ANTXRL: variants seen among roughly 807,000 people sequenced by gnomAD.
ANTXRL encodes the protein ANTXR like, also known as anthrax toxin receptor-like.
ANTXRL carries 63 observed loss-of-function variants against 75.4 expected under a neutral mutation model. The ratio of observed to expected loss-of-function variants is 0.84; its 90% confidence interval spans 0.68 to 1.03. The LOEUF (loss-of-function observed/expected upper bound fraction) is 1.03, where lower values mean the gene tolerates loss of function less well. ANTXRL is among the 50% of genes least tolerant of loss of function. The pLI is 0.00. For synonymous variants in ANTXRL, 335 were observed against 291.3 expected (o/e 1.15, Z -1.53); for missense variants, 797 against 789.4 (o/e 1.01, Z -0.12).
rs78924721 is a variant in ANTXRL at position 46,287,149 on chromosome 10, G to A, written c.-114G>A. On this transcript the variant is annotated 5_prime_UTR_variant, in exon 1 of 17. Transcript: ENST00000620264. ...GTGCACTGGTGAAAGGGCAGGAGGA[G>A]GGGTGTGGCCCCGGGCATAAGGGGA... is the stretch of plus-strand genomic sequence containing the variant. 0.016 allele frequency: 21,096 copies of A among 1,348,428 alleles called. 794 individuals carry two copies. The highest frequency in any genetic ancestry group is 0.1 in the East Asian group (3,978 of 39,808). The allele number at this position is 1,348,428 out of a possible 1,614,324, so 83.5% of individuals were successfully genotyped here. A position where few individuals can be genotyped will look rare whatever the true frequency, so the allele number is the denominator to read the frequency against.
At chr10:46,322,134 T>C (rs1839006825) in intron 16 of ANTXRL, among the ~76,000 whole-genome samples, 1 of 152,054 alleles carries the variant, frequency 6.6e-6, no homozygotes, top group Non-Finnish European at 1.5e-5. Flanking sequence ...GGAAAGCCTT[T>C]ACTCAACCAG....
At chr10:46,329,171 G>T (rs1186387444) in intron 16 of ANTXRL, among the ~76,000 whole-genome samples, 1 of 152,162 alleles carries the variant, frequency 6.6e-6, no homozygotes, top group Non-Finnish European at 1.5e-5. Context: ...CCGTGGAGCT[G>T]CTGCCTTCTC....
At chr10:46,297,728 T>C (rs113293365) in intron 7 of ANTXRL, 103 bp from the exon 8 acceptor site, 4 of 1,088,150 alleles carry the variant, frequency 3.7e-6, no homozygotes, top group South Asian at 1.4e-5. Context: ...CCTGACATTC[T>C]GCTGCCCCCA....
chr10:46,300,085 G>A (rs2132713171), intron 9 of ANTXRL, among the ~76,000 whole-genome samples: 1 of 152,334 alleles, frequency 6.6e-6, no homozygotes, highest in East Asian at 1.9e-4. Context: ...CCCCAGGTGA[G>A]GATGTGAGTC....
chr10:46,321,347 A>G lies in ANTXRL; in HGVS notation c.1410+8031A>G, dbSNP rs1187298582. Among the ~76,000 whole-genome samples, 6 of 152,186 alleles carry G rather than the reference A, an allele frequency of 3.9e-5. No homozygotes were observed. In the East Asian group the frequency reaches 9.6e-4, roughly 24 times the overall value. ...GATGTCAGAGAAATCTTAATTTATGATCTTTGAAAAGTTGTCCATTTCTAG... is the reference window on the plus strand; with the variant it reads ...GATGTCAGAGAAATCTTAATTTATGGTCTTTGAAAAGTTGTCCATTTCTAG... On this transcript the variant is annotated intron_variant, in intron 16 of 16. Transcript: ENST00000620264.
In ANTXRL at chr10:46,287,141, C is replaced by T. The variant is rs1554955370; in HGVS notation, c.-122C>T. On this transcript the variant is annotated 5_prime_UTR_variant, in exon 1 of 17. Coordinates refer to ENST00000620264, the MANE Select transcript of ANTXRL (RefSeq NM_001278688.3). The stretch of plus-strand genomic sequence containing the variant: ...GCCATAGTGTGCACTGGTGAAAGGG[C>T]AGGAGGAGGGGTGTGGCCCCGGGCA... 3 of 1,287,150 alleles carry T rather than the reference C, an allele frequency of 2.3e-6. No individual in the cohort carries two copies. Among genetic ancestry groups the T allele is most frequent in the South Asian group, 3.0e-5 (2 of 65,638 alleles). 79.7% of individuals were successfully genotyped at this position (1,287,150 alleles called of 1,614,324 possible). A position where few individuals can be genotyped will look rare whatever the true frequency, so the allele number is the denominator to read the frequency against.
At chr10:46,307,876 C>T (rs1246013771) in intron 12 of ANTXRL, among the ~76,000 whole-genome samples, 1 of 152,144 alleles carries the variant, frequency 6.6e-6, no homozygotes, top group Non-Finnish European at 1.5e-5. Flanking sequence ...CTTTCTGCCT[C>T]TCCTCCTTGC....
chr10:46,329,633 A>G lies in ANTXRL; in HGVS notation c.1445A>G (p.Gln482Arg), dbSNP rs1565061738. The G allele has an allele frequency of 1.2e-5, 18 of 1,536,288 alleles. No individual in the cohort carries two copies. Among genetic ancestry groups the G allele is most frequent in the Middle Eastern group, 1.7e-4 (1 of 6,010 alleles). ...CTCAGCTTAGCCCTTGCACAGTCCC[A>G]ATATGCACAGGCTCCCTGCTGCCCA... Reference protein sequence around the residue: ...RYLSLALAQSQYAQAPCCPRI... With the variant: ...RYLSLALAQSRYAQAPCCPRI... The change falls in exon 17 of 17, where the codon CAA (glutamine) becomes CGA (arginine). Residue 482 changes from glutamine to arginine, a missense_variant. Physicochemically the swap from Gln to Arg is conservative, Grantham distance 43. Coordinates refer to ENST00000620264, the MANE Select transcript of ANTXRL (RefSeq NM_001278688.3).
In ANTXRL at chr10:46,307,461, G is replaced by A. The variant is rs1838162319; in HGVS notation, c.1025G>A (p.Ser342Asn). 3.9e-6 allele frequency: 6 copies of A among 1,536,136 alleles called. No individual in the cohort carries two copies. The highest frequency in any genetic ancestry group is 2.4e-5 in the East Asian group (1 of 40,930). The change falls in exon 12 of 17, where the codon AGC becomes AAC. Residue 342 changes from serine to asparagine, a missense_variant. This residue lies in a region of ANTXRL where 479 missense variants were observed against 422.0 expected (regional missense o/e 1.14). Transcript: ENST00000620264. Reference protein sequence around the residue: ...KGKTFFKSNVSITSTTCGIFR... With the variant: ...KGKTFFKSNVNITSTTCGIFR... ...AAAACATTCTTCAAGAGCAATGTCA[G>A]CATCACCAGCACCACATGTGTGAGT...
rs74129850 is a variant in ANTXRL, at chr10:46,302,849, C to A, written c.895+29C>A. 8,753 of 1,458,072 alleles carry A rather than the reference C, an allele frequency of 6.0e-3. 402 individuals carry two copies. The African/African-American group carries it at 0.1, about 17-fold the overall frequency. 90.3% of individuals were successfully genotyped at this position (1,458,072 alleles called of 1,614,324 possible). ...AGTTGTCTCCTCTGTGCCTCTGAGT[C>A]ACGTATTTCCCACACAATGCTGCCT... On this transcript the variant is annotated intron_variant, in intron 10 of 16. Coordinates refer to ENST00000620264, the MANE Select transcript of ANTXRL (RefSeq NM_001278688.3).
chr10:46,316,763 C>T (rs560965084), intron 16 of ANTXRL, among the ~76,000 whole-genome samples: 100 of 152,236 alleles, frequency 6.6e-4, no homozygotes, highest in African/African-American at 2.2e-3. Flanking sequence ...ATCTGAACAC[C>T]GAGTGAGAAA....
intron 16 of ANTXRL, among the ~76,000 whole-genome samples, chr10:46,313,528 G>A (rs1554964075): frequency 6.6e-6 from 1 of 152,132 alleles, no homozygotes; most frequent in East Asian, 1.9e-4. Flanking sequence ...GGGGCCAGGA[G>A]TGCTGGCTAG....
chr10:46,298,445 G>A (rs1837521366), intron 9 of ANTXRL, among the ~76,000 whole-genome samples: 2 of 151,636 alleles, frequency 1.3e-5, no homozygotes, highest in South Asian at 4.2e-4. Flanking sequence ...ATTGTGGGGT[G>A]TATGTTGTGT....
At chr10:46,329,076 A>C (rs1839365339) in intron 16 of ANTXRL, among the ~76,000 whole-genome samples, 2 of 152,276 alleles carry the variant, frequency 1.3e-5, no homozygotes, top group Non-Finnish European at 2.9e-5. Context: ...GTGTGTGCCC[A>C]AGATGAAAGC....
In ANTXRL at chr10:46,307,007, C is replaced by T. The variant is rs1838135963; in HGVS notation, c.965+135C>T. The stretch of plus-strand genomic sequence containing the variant: ...TATCTGTGGCTGCGCAAAGAGCACC[C>T]TCCTCCCCACATCCCTTGTTAGTGA... On this transcript the variant is annotated intron_variant, in intron 11 of 16. Coordinates refer to ENST00000620264, the MANE Select transcript of ANTXRL (RefSeq NM_001278688.3). 5 of 727,194 alleles carry T rather than the reference C, an allele frequency of 6.9e-6. No individual in the cohort carries two copies. In the Middle Eastern group the frequency reaches 1.3e-3, roughly 187 times the overall value. The allele number at this position is 727,194 out of a possible 1,614,324, so 45.0% of individuals were successfully genotyped here. A position where few individuals can be genotyped will look rare whatever the true frequency, so the allele number is the denominator to read the frequency against.
Position 46,287,120 on chromosome 10 carries a change from T to C in ANTXRL, c.-143T>C. The C allele has an allele frequency of 9.3e-7, 1 of 1,072,262 alleles. No individual in the cohort carries two copies. The allele number at this position is 1,072,262 out of a possible 1,614,324, so 66.4% of individuals were successfully genotyped here. ...TGGGGAGGTACCTGGTGGAGGGCCA[T>C]AGTGTGCACTGGTGAAAGGGCAGGA... On this transcript the variant is annotated 5_prime_UTR_variant, in exon 1 of 17. Transcript: ENST00000620264.
rs528954249 is a variant in ANTXRL, at chr10:46,295,784, A to T, written c.393-235A>T. Among the ~76,000 whole-genome samples the T allele has an allele frequency of 3.9e-5, 6 of 152,244 alleles. No individual in the cohort carries two copies. In the East Asian group the frequency reaches 1.2e-3, roughly 29 times the overall value. On this transcript the variant is annotated intron_variant, in intron 3 of 16. Coordinates refer to ENST00000620264, the MANE Select transcript of ANTXRL (RefSeq NM_001278688.3). ...TACTGTCACCAGAGATGGTCCAAGC[A>T]GGGCCCTGGTGAAGTTCCCCAGGCC...
At chr10:46,322,498 A>T (rs1295256524) in intron 16 of ANTXRL, among the ~76,000 whole-genome samples, 1 of 152,036 alleles carries the variant, frequency 6.6e-6, no homozygotes, top group East Asian at 1.9e-4. Flanking sequence ...AGTGGTGAAA[A>T]TATACTACCT....
intron 16 of ANTXRL, among the ~76,000 whole-genome samples, chr10:46,326,596 C>G (rs1299919205): frequency 6.6e-6 from 1 of 152,048 alleles, no homozygotes; most frequent in East Asian, 1.9e-4. Flanking sequence ...TGACCAGAAG[C>G]CAAGATCTTG....
Sources: gnomAD v4.1 joint callset for allele counts (sites outside exome capture counted in the v4.1 genomes callset) on GRCh38, gnomAD v4.1.1 for gene constraint, gnomAD v4.1.1 regional missense constraint, MANE v1.5 for transcripts, NCBI Gene and HGNC (gene_info 2026-07-23, HGNC 2026-07-21) for gene names.